The following LARP4 variants were observed in gnomAD, a reference collection of about 807,000 sequenced individuals.
LARP4 encodes the protein la-related protein 4.
Under a neutral mutation model 92.9 loss-of-function variants are expected in LARP4, and 29 were observed. The observed-to-expected ratio is 0.31, with a 90% CI of 0.23 to 0.43. The LOEUF is 0.43. Among genes scored for constraint, LARP4 ranks in the 20% least tolerant of loss-of-function variants. LARP4 has a pLI of 1.00. For missense variants in LARP4, 732 were observed against 860.0 expected, an observed-to-expected ratio of 0.85 and a Z score of 1.86; for synonymous variants, 279 against 284.1, an observed-to-expected ratio of 0.98 and a Z score of 0.18.
intron 8 of LARP4, among the ~76,000 whole-genome samples, chr12:50,453,074 C>CTTTTTTTT (rs755416642): frequency 7.3e-6 from 1 of 136,140 alleles, no homozygotes. Context: ...CCATGCCCAG[C>CTTTTTTTT]TTTTTTTTTT....
chr12:50,446,799 T>G (rs1952275072), intron 8 of LARP4, among the ~76,000 whole-genome samples: 1 of 152,038 alleles, frequency 6.6e-6, no homozygotes, highest in Non-Finnish European at 1.5e-5. Context: ...AACATTAAAG[T>G]GTACTATAAT....
chr12:50,446,080 G>T (rs1390911383), intron 8 of LARP4, among the ~76,000 whole-genome samples: 5 of 144,424 alleles, frequency 3.5e-5, no homozygotes. Context: ...TCGGCTCACT[G>T]CAAGCTCCGC....
intron 8 of LARP4, among the ~76,000 whole-genome samples, chr12:50,451,633 C>G (rs1369482930): frequency 1.3e-5 from 2 of 151,944 alleles, no homozygotes; most frequent in East Asian, 3.9e-4. Context: ...TCAGGAGTTC[C>G]AGACCAGCCT....
At chr12:50,473,330 C>A in intron 13 of LARP4, 85 bp from the exon 14 acceptor site, 1 of 949,582 alleles carries the variant, frequency 1.1e-6, no homozygotes, top group Non-Finnish European at 1.6e-6. Flanking sequence ...ATGATGTTGA[C>A]CATCTTCTCT....
chr12:50,426,687 G>GTT (rs1465557535), intron 1 of LARP4, among the ~76,000 whole-genome samples: 1 of 81,032 alleles, frequency 1.2e-5, no homozygotes, highest in Non-Finnish European at 2.7e-5. Context: ...TGTTTGGGGT[G>GTT]TGTGTGTGTG....
intron 1 of LARP4, among the ~76,000 whole-genome samples, chr12:50,409,983 G>A (rs1592753769): frequency 1.3e-5 from 2 of 151,346 alleles, no homozygotes; most frequent in South Asian, 4.2e-4. Context: ...GTAGAGACGG[G>A]GTTTCTCCAT....
chr12:50,432,860 CAA>C (rs10660517), intron 4 of LARP4, among the ~76,000 whole-genome samples: 4 of 124,434 alleles, frequency 3.2e-5, no homozygotes, highest in Admixed American at 1.8e-4. Context: ...GACTTCGTTT[CAA>C]AAAAAAAAAA....
chr12:50,438,363 G>A (rs1401213606), intron 6 of LARP4, among the ~76,000 whole-genome samples: 2 of 152,078 alleles, frequency 1.3e-5, no homozygotes, highest in Non-Finnish European at 2.9e-5. Flanking sequence ...CAGGCATGGT[G>A]GTGGGCGCCT....
chr12:50,434,322 T>C (rs1269897400), intron 4 of LARP4, among the ~76,000 whole-genome samples: 2 of 152,102 alleles, frequency 1.3e-5, no homozygotes, highest in South Asian at 2.1e-4. Flanking sequence ...CAAGATTTTA[T>C]GTGTAAGATG....
intron 13 of LARP4, among the ~76,000 whole-genome samples, chr12:50,471,289 A>G (rs1956899915): frequency 6.6e-6 from 1 of 152,166 alleles, no homozygotes; most frequent in African/African-American, 2.4e-5. Context: ...AAGGTTATAA[A>G]TGGAATTGTA....
intron 8 of LARP4, among the ~76,000 whole-genome samples, chr12:50,442,220 C>G (rs1951323393): frequency 6.6e-6 from 1 of 152,126 alleles, no homozygotes; most frequent in African/African-American, 2.4e-5. Flanking sequence ...TTCCAGATCT[C>G]AAAATGAGCA....
intron 13 of LARP4, among the ~76,000 whole-genome samples, chr12:50,469,580 G>A (rs1388692517): frequency 6.9e-6 from 1 of 145,934 alleles, no homozygotes; most frequent in East Asian, 2.0e-4. Context: ...CTCCAGCCTG[G>A]GCGACAGAGC....
intron 14 of LARP4, among the ~76,000 whole-genome samples, 179 bp from the exon 15 acceptor site, chr12:50,473,820 G>T (rs1482941094): frequency 1.4e-5 from 2 of 138,758 alleles, no homozygotes; most frequent in East Asian, 4.5e-4. Context: ...GGGGTGGGGG[G>T]GGTGGGGGGT....
intron 13 of LARP4, among the ~76,000 whole-genome samples, chr12:50,469,374 G>A (rs1037446025): frequency 2.6e-5 from 4 of 152,088 alleles, no homozygotes; most frequent in South Asian, 2.1e-4. Context: ...GGAGGCCGAG[G>A]CAGGCAGATC....
chr12:50,442,617 A>C (rs943535521), intron 8 of LARP4, among the ~76,000 whole-genome samples: 2 of 152,172 alleles, frequency 1.3e-5, no homozygotes, highest in Non-Finnish European at 2.9e-5. Flanking sequence ...AATGTAATAC[A>C]TTATTCTTAC....
In LARP4 at chr12:50,475,678, A is replaced by C. The variant is rs1190000870; in HGVS notation, c.1989A>C (p.Lys663Asn). Residue 663 changes from lysine to asparagine, a missense_variant, in exon 16 of 16, where the codon AAA becomes AAC. By Grantham distance (94) the Lys-to-Asn change is moderately conservative (BLOSUM62 0). This residue lies in a region of LARP4 where 115 missense variants were observed against 129.1 expected (regional missense o/e 0.89). Transcript: ENST00000398473. ...GAGCTCCTGAGAACTCCGTTGAGAAACCACATGAGAAGCCAGAAGCAAGGG... is the reference window on the plus strand; with the variant it reads ...GAGCTCCTGAGAACTCCGTTGAGAACCCACATGAGAAGCCAGAAGCAAGGG... ...DNGAPENSVEKPHEKPEARAS... is the reference protein window; with the variant it reads ...DNGAPENSVENPHEKPEARAS... The C allele has an allele frequency of 3.1e-6, 5 of 1,614,130 alleles. No homozygotes were observed. The East Asian group carries it at 1.1e-4, about 36-fold the overall frequency.
At position 50,408,213 on chromosome 12, in the gene LARP4, T is replaced by TTC. The variant is rs869284339; in HGVS notation, c.18+7185_18+7186insTC. Among the ~76,000 whole-genome samples, 130 of 147,138 alleles carry TTC rather than the reference T, an allele frequency of 8.8e-4. 1 individual carries two copies. Among genetic ancestry groups the TTC allele is most frequent in the African/African-American group, 2.8e-3 (111 of 39,692 alleles). ...TTTTTTTTTTTTTTTTTTTTTTTTT[T>TTC]CCAGCTGGAGTTTCTCTCTTGTTGC... On this transcript the variant is annotated intron_variant, in intron 1 of 15. Coordinates refer to ENST00000398473, the MANE Select transcript of LARP4 (RefSeq NM_052879.5).
intron 1 of LARP4, among the ~76,000 whole-genome samples, chr12:50,404,913 C>G (rs941039729): frequency 6.6e-6 from 1 of 151,918 alleles, no homozygotes; most frequent in Non-Finnish European, 1.5e-5. Context: ...TGGTCTCGGT[C>G]TCTTGACCTC....
At chr12:50,405,240 G>A (rs1944595724) in intron 1 of LARP4, among the ~76,000 whole-genome samples, 1 of 151,998 alleles carries the variant, frequency 6.6e-6, no homozygotes, top group South Asian at 2.1e-4. Context: ...AACAAACAAT[G>A]TCCCTCTCTG....
Sources: gnomAD v4.1 joint callset for allele counts (sites outside exome capture counted in the v4.1 genomes callset) on GRCh38, gnomAD v4.1.1 for gene constraint, gnomAD v4.1.1 regional missense constraint, MANE v1.5 for transcripts, NCBI Gene and HGNC (gene_info 2026-07-23, HGNC 2026-07-21) for gene names.